HNF4G: variants seen among roughly 807,000 people sequenced by gnomAD.
The protein encoded by HNF4G is hepatocyte nuclear factor 4 gamma.
A neutral mutation model predicts 50.9 loss-of-function variants in HNF4G; 21 were observed. That is an observed-to-expected ratio of 0.41 (90% CI 0.29 to 0.59). The LOEUF is 0.59. HNF4G is among the 20% of genes least tolerant of loss of function. The pLI, the probability that HNF4G is intolerant of heterozygous loss-of-function variation, is 0.26. For synonymous variants in HNF4G, 198 were observed against 185.6 expected (o/e 1.07, Z -0.54); for missense variants, 527 against 559.4 (o/e 0.94, Z 0.58).
At chr8:75,544,172 C>T (rs959932386) in intron 2 of HNF4G, among the ~76,000 whole-genome samples, 193 bp downstream of exon 2, 1 of 152,126 alleles carries the variant, frequency 6.6e-6, no homozygotes, top group Admixed American at 6.6e-5. Context: ...TTTTATGAAA[C>T]ATTTTAGACT....
intron 2 of HNF4G, among the ~76,000 whole-genome samples, chr8:75,517,171 A>G (rs919655986): frequency 5.3e-5 from 8 of 152,134 alleles, no homozygotes; most frequent in Non-Finnish European, 1.0e-4. Context: ...TGTATCAATT[A>G]CCTCCCATCG....
chr8:75,508,533 T>C (rs981582888), intron 2 of HNF4G, among the ~76,000 whole-genome samples: 1 of 152,240 alleles, frequency 6.6e-6, no homozygotes, highest in Non-Finnish European at 1.5e-5. Flanking sequence ...TATTCATTTA[T>C]TCAAAAGCTA....
At chr8:75,427,232 A>G (rs1810912305) in intron 1 of HNF4G, among the ~76,000 whole-genome samples, 1 of 152,146 alleles carries the variant, frequency 6.6e-6, no homozygotes, top group Admixed American at 6.5e-5. Context: ...GTGATGTTGA[A>G]CATCTGACAG....
chr8:75,476,621 TTTTG>T lies in HNF4G; in HGVS notation c.-143-13464_-143-13461del, dbSNP rs1454892113. Among the ~76,000 whole-genome samples the T allele has an allele frequency of 2.0e-5, 3 of 152,232 alleles. No homozygotes were observed. The East Asian group carries it at 5.8e-4, about 29-fold the overall frequency. ...ACATAGTTTTTAAAATTTGTTGTTG[TTTTG>T]TTTTTACATGTACTGTAGATTATGT... On this transcript the variant is annotated intron_variant, in intron 1 of 10. Coordinates refer to the HNF4G transcript ENST00000354370.
intron 6 of HNF4G, 68 bp downstream of exon 6, chr8:75,556,137 C>A: frequency 1.3e-6 from 1 of 781,550 alleles, no homozygotes; most frequent in Non-Finnish European, 2.1e-6. Flanking sequence ...TATACAGGGT[C>A]TGTTCTGTAT....
chr8:75,462,746 TTCA>T (rs1174153268), intron 1 of HNF4G, among the ~76,000 whole-genome samples: 1 of 152,186 alleles, frequency 6.6e-6, no homozygotes, highest in Non-Finnish European at 1.5e-5. Context: ...AAATTCTGGC[TTCA>T]TCATTTACTA....
chr8:75,540,913 T>C (rs1806602549), intron 1 of HNF4G, among the ~76,000 whole-genome samples: 1 of 151,392 alleles, frequency 6.6e-6, no homozygotes, highest in African/African-American at 2.4e-5. Flanking sequence ...TATCTTGTAC[T>C]GAGGATATCT....
At chr8:75,529,258 T>C (rs536558483) in intron 2 of HNF4G, among the ~76,000 whole-genome samples, 1 of 151,542 alleles carries the variant, frequency 6.6e-6, no homozygotes, top group South Asian at 2.1e-4. Context: ...GCCACTGCAC[T>C]CCAGCCTGGG....
chr8:75,445,477 C>T (rs373281359), intron 1 of HNF4G, among the ~76,000 whole-genome samples: 3 of 14,994 alleles, frequency 2.0e-4, no homozygotes, highest in East Asian at 1.3e-3. Context: ...TTCAAAAAAT[C>T]AATGAATCCA....
At chr8:75,472,748 G>C (rs1177279193) in intron 1 of HNF4G, among the ~76,000 whole-genome samples, 1 of 152,110 alleles carries the variant, frequency 6.6e-6, no homozygotes, top group Admixed American at 6.5e-5. Context: ...CACTGTTTTG[G>C]GGGGCTGGAC....
chr8:75,411,739 CGTT>C (rs1810510056), intron 1 of HNF4G, among the ~76,000 whole-genome samples: 1 of 152,112 alleles, frequency 6.6e-6, no homozygotes, highest in South Asian at 2.1e-4. Flanking sequence ...GGGCAGGCCT[CGTT>C]GTCAGATGGC....
At chr8:75,444,933 T>C (rs1361798437) in intron 1 of HNF4G, among the ~76,000 whole-genome samples, 4 of 142,046 alleles carry the variant, frequency 2.8e-5, no homozygotes, top group Admixed American at 1.4e-4. Context: ...GCGGACCTAA[T>C]AGACATCTAC....
chr8:75,503,860 C>G (rs1415427074), intron 2 of HNF4G, among the ~76,000 whole-genome samples: 2 of 152,070 alleles, frequency 1.3e-5, no homozygotes, highest in Non-Finnish European at 2.9e-5. Context: ...CAGTTTAAAG[C>G]TAGTAAAGAG....
chr8:75,557,014 A>G (rs1027634703), intron 6 of HNF4G, among the ~76,000 whole-genome samples: 1 of 152,194 alleles, frequency 6.6e-6, no homozygotes, highest in Non-Finnish European at 1.5e-5. Context: ...AGAAAATAAT[A>G]TAGCCAAGAT....
At chr8:75,558,323 T>A (rs149452516) in intron 6 of HNF4G, among the ~76,000 whole-genome samples, 195 bp from the exon 7 acceptor site, 22 of 152,302 alleles carry the variant, frequency 1.4e-4, no homozygotes, top group African/African-American at 4.8e-4. Flanking sequence ...ATCACATTAT[T>A]AATGTTCTTG....
chr8:75,497,574 C>T (rs1466138757), intron 2 of HNF4G, among the ~76,000 whole-genome samples: 2 of 151,916 alleles, frequency 1.3e-5, no homozygotes, highest in African/African-American at 2.4e-5. Flanking sequence ...ATCCCAGCTA[C>T]TCGGGAGGCT....
intron 2 of HNF4G, among the ~76,000 whole-genome samples, chr8:75,496,268 A>G (rs985789568): frequency 6.6e-6 from 1 of 152,114 alleles, no homozygotes; most frequent in African/African-American, 2.4e-5. Flanking sequence ...ATACTATTCT[A>G]GTCACGGTTA....
chr8:75,447,351 C>G (rs201967059), intron 1 of HNF4G, among the ~76,000 whole-genome samples: 5,515 of 101,948 alleles, frequency 0.054, 391 homozygotes, highest in African/African-American at 0.19. Context: ...CTAGGCATTA[C>G]CATTCAGGAC....
At chr8:75,512,209 C>A (rs555440295) in intron 2 of HNF4G, among the ~76,000 whole-genome samples, 1 of 151,430 alleles carries the variant, frequency 6.6e-6, no homozygotes, top group South Asian at 2.1e-4. Flanking sequence ...CTTGTTAGGG[C>A]CTCTGGTAAA....
Sources: allele counts gnomAD v4.1 joint callset (sites outside exome capture counted in the v4.1 genomes callset), GRCh38; gene constraint gnomAD v4.1.1; transcripts MANE v1.5; gene names NCBI Gene and HGNC (gene_info 2026-07-23, HGNC 2026-07-21).